The following SRGAP1 variants were observed in gnomAD, a reference collection of about 807,000 sequenced individuals.
SRGAP1 encodes the protein SLIT-ROBO Rho GTPase-activating protein 1.
In SRGAP1, 43 loss-of-function variants were observed where a neutral mutation model predicts 121.9. That is an observed-to-expected ratio of 0.35 (90% CI 0.28 to 0.46). SRGAP1 has a LOEUF of 0.46. SRGAP1 is among the 20% of genes least tolerant of loss of function. The pLI is 1.00. For missense variants in SRGAP1, 1,102 were observed against 1,350.9 expected (o/e 0.82, Z 2.89); for synonymous variants, 447 against 485.4 (o/e 0.92, Z 1.04).
intron 1 of SRGAP1, among the ~76,000 whole-genome samples, chr12:63,971,982 A>G (rs1483001235): frequency 2.6e-5 from 4 of 152,220 alleles, no homozygotes; most frequent in Non-Finnish European, 5.9e-5. Context: ...CATGTGGACC[A>G]GAGGTGATTG....
At chr12:64,052,469 C>T (rs144193380) in intron 6 of SRGAP1, among the ~76,000 whole-genome samples, 1 of 151,898 alleles carries the variant, frequency 6.6e-6, no homozygotes, top group East Asian at 1.9e-4. Context: ...GCAGGAGAAT[C>T]GCTTGAACCT....
intron 2 of SRGAP1, among the ~76,000 whole-genome samples, chr12:63,988,923 G>C (rs534300638): frequency 2.0e-5 from 3 of 152,242 alleles, no homozygotes; most frequent in African/African-American, 7.2e-5. Context: ...CAATTCTTGT[G>C]CCTCAGCCTC....
chr12:64,125,937 C>T (rs1327517420), intron 18 of SRGAP1, 40 bp from the exon 19 acceptor site: 2 of 1,598,192 alleles, frequency 1.3e-6, no homozygotes, highest in African/African-American at 1.3e-5. Context: ...GCCTTCCTAA[C>T]AACCCTGTTT....
At chr12:64,052,563 A>G (rs927017039) in intron 6 of SRGAP1, among the ~76,000 whole-genome samples, 6 of 152,216 alleles carry the variant, frequency 3.9e-5, no homozygotes, top group African/African-American at 1.4e-4. Context: ...CTCAAAAAAA[A>G]AAACAAAATA....
At chr12:64,065,092 G>T in intron 7 of SRGAP1, 26 bp from the exon 8 acceptor site, 1 of 1,593,644 alleles carries the variant, frequency 6.3e-7, no homozygotes. Context: ...GTGCCCTGTT[G>T]TAACTGGTTT....
At chr12:63,883,998 A>C (rs903509592) in intron 1 of SRGAP1, among the ~76,000 whole-genome samples, 39 of 147,806 alleles carry the variant, frequency 2.6e-4, no homozygotes, top group African/African-American at 8.9e-4. Context: ...GGTGTAGGAG[A>C]GCAGGCCAGG....
At chr12:64,063,402 C>T (rs2035484714) in intron 7 of SRGAP1, among the ~76,000 whole-genome samples, 2 of 152,132 alleles carry the variant, frequency 1.3e-5, no homozygotes, top group Admixed American at 1.3e-4. Context: ...TTTGTTCCAC[C>T]TCAAGACATT....
At chr12:64,012,685 G>A (rs2034286959) in intron 3 of SRGAP1, among the ~76,000 whole-genome samples, 1 of 147,484 alleles carries the variant, frequency 6.8e-6, no homozygotes, top group Non-Finnish European at 1.5e-5. Context: ...CTCATAGCTG[G>A]GACCACAGGT....
chr12:64,076,456 C>T (rs866319246), intron 8 of SRGAP1, among the ~76,000 whole-genome samples: 1 of 151,720 alleles, frequency 6.6e-6, no homozygotes, highest in African/African-American at 2.4e-5. Flanking sequence ...GAGAAATAAC[C>T]AAAATTAAGA....
At chr12:63,945,772 C>G (rs1451279788) in intron 1 of SRGAP1, among the ~76,000 whole-genome samples, 1 of 152,190 alleles carries the variant, frequency 6.6e-6, no homozygotes. Flanking sequence ...TGAAGTGGCT[C>G]TCTTTAGCCA....
At chr12:64,060,805 A>G (rs1414415216) in intron 6 of SRGAP1, among the ~76,000 whole-genome samples, 2 of 152,080 alleles carry the variant, frequency 1.3e-5, no homozygotes, top group African/African-American at 4.8e-5. Flanking sequence ...CGACTCCTCC[A>G]CTATTTTAAC....
chr12:64,100,681 C>T lies in SRGAP1; in HGVS notation c.1813+3306C>T, dbSNP rs971296862. 7.9e-5 allele frequency among the ~76,000 whole-genome samples: 12 copies of T among 152,280 alleles called. 1 individual carries two copies. In the South Asian group the frequency reaches 1.9e-3, roughly 24 times the overall value. ...TACAGAATGGCAGGTGTTTCAAAAA[C>T]ATACATATTGACACTAACAACCTCT... On this transcript the variant is annotated intron_variant, in intron 15 of 21. Coordinates refer to ENST00000355086, the MANE Select transcript of SRGAP1 (RefSeq NM_020762.4).
At chr12:63,913,531 G>GTATA (rs2030639883) in intron 1 of SRGAP1, among the ~76,000 whole-genome samples, 2 of 145,750 alleles carry the variant, frequency 1.4e-5, no homozygotes, top group African/African-American at 5.0e-5. Flanking sequence ...ATATATGTGT[G>GTATA]TATTATATAT....
At chr12:63,986,273 A>G (rs2033412094) in intron 2 of SRGAP1, among the ~76,000 whole-genome samples, 1 of 151,882 alleles carries the variant, frequency 6.6e-6, no homozygotes, top group Admixed American at 6.6e-5. Flanking sequence ...AATCTTAATG[A>G]TGATCCCCAG....
chr12:63,870,574 G>A (rs540045183), intron 1 of SRGAP1, among the ~76,000 whole-genome samples: 296 of 114,212 alleles, frequency 2.6e-3, no homozygotes, highest in Non-Finnish European at 3.9e-3. Context: ...GTCTTGCTCT[G>A]TTGCCCAGGC....
chr12:64,100,878 A>C (rs2036242899), intron 15 of SRGAP1, among the ~76,000 whole-genome samples: 1 of 152,120 alleles, frequency 6.6e-6, no homozygotes, highest in Non-Finnish European at 1.5e-5. Flanking sequence ...GAGTAGCATA[A>C]TACATCTTTT....
chr12:63,944,316 A>G (rs1433957684), intron 1 of SRGAP1, among the ~76,000 whole-genome samples: 2 of 152,174 alleles, frequency 1.3e-5, no homozygotes, highest in Non-Finnish European at 2.9e-5. Context: ...ACAGAAATTT[A>G]TATCTCACCG....
chr12:63,917,362 G>C (rs957734760), intron 1 of SRGAP1, among the ~76,000 whole-genome samples: 12 of 152,162 alleles, frequency 7.9e-5, no homozygotes, highest in Admixed American at 6.5e-5. Context: ...GGCTCTCTAA[G>C]ACAGTATGGT....
chr12:64,095,146 T>C lies in SRGAP1; in HGVS notation c.1620T>C (p.Ile540=), dbSNP rs1257944959. The change falls in exon 14 of 22, where the codon ATT becomes ATC. Residue 540 remains isoleucine (I), a synonymous_variant. Transcript: ENST00000355086. ...INLYGLQHQG[I]FRVSGSQVEV... Reference sequence around the variant, plus strand: ...CTTTAGGTCTTCAGCATCAGGGGATTTTCAGAGTGTCTGGTTCCCAGGTGG... The same window carrying C: ...CTTTAGGTCTTCAGCATCAGGGGATCTTCAGAGTGTCTGGTTCCCAGGTGG... 2 of 1,614,120 alleles carry C rather than the reference T, an allele frequency of 1.2e-6. No homozygotes were observed.
Sources: gnomAD v4.1 joint callset for allele counts (sites outside exome capture counted in the v4.1 genomes callset) on GRCh38, gnomAD v4.1.1 for gene constraint, MANE v1.5 for transcripts, NCBI Gene and HGNC (gene_info 2026-07-23, HGNC 2026-07-21) for gene names.